The following ARID4A variants were observed in gnomAD, a reference collection of about 807,000 sequenced individuals.
ARID4A encodes AT-rich interactive domain-containing protein 4A.
Under a neutral mutation model 148.6 loss-of-function variants are expected in ARID4A, and 39 were observed. The observed-to-expected ratio is 0.26, with a 90% CI of 0.20 to 0.34. ARID4A has a LOEUF of 0.34. Among genes scored for constraint, ARID4A ranks in the 10% least tolerant of loss-of-function variants. The pLI, the probability that ARID4A is intolerant of heterozygous loss-of-function variation, is 1.00. For synonymous variants in ARID4A, 475 were observed against 481.2 expected, an observed-to-expected ratio of 0.99 and a Z score of 0.17; for missense variants, 1,265 against 1,449.1, an observed-to-expected ratio of 0.87 and a Z score of 2.06.
At position 58,346,415 on chromosome 14, in the gene ARID4A, T is replaced by G; in HGVS notation, c.984T>G (p.Thr328=). ...CTACCTACTTACATTGAAAAGGTAC[T>G]CCAATCAACAAACCACCTGTTTTGG... ...QLYKFMEDRG[T]PINKPPVLGY... The change falls in exon 13 of 24, where the codon ACT becomes ACG. Residue 328 remains threonine (T), a synonymous_variant. Transcript: ENST00000355431. The G allele has an allele frequency of 6.3e-7, 1 of 1,599,974 alleles. No individual in the cohort carries two copies. Among genetic ancestry groups the G allele is most frequent in the Non-Finnish European group, 8.5e-7 (1 of 1,170,326 alleles).
intron 2 of ARID4A, among the ~76,000 whole-genome samples, chr14:58,300,983 T>G (rs564154146): frequency 6.6e-6 from 1 of 152,316 alleles, no homozygotes; most frequent in East Asian, 1.9e-4. Flanking sequence ...CTAAGAAGAT[T>G]AGTGTGGTAA....
At position 58,337,246 on chromosome 14, in the gene ARID4A, T is replaced by TA. The variant is rs1555361738; in HGVS notation, c.906+7077_906+7078insA. Among the ~76,000 whole-genome samples, 72 of 83,818 alleles carry TA rather than the reference T, an allele frequency of 8.6e-4. 5 individuals are homozygous for TA. Among genetic ancestry groups the TA allele is most frequent in the African/African-American group, 1.6e-3 (38 of 24,120 alleles). 55.0% of individuals were successfully genotyped at this position (83,818 alleles called of 152,430 possible). A position where few individuals can be genotyped will look rare whatever the true frequency, so the allele number is the denominator to read the frequency against. ...AAATCTCCTAGAACCTTCTCTTTAT[T>TA]TATATATATATATATATATATAATT... On this transcript the variant is annotated intron_variant, in intron 11 of 23. Transcript: ENST00000355431.
intron 17 of ARID4A, among the ~76,000 whole-genome samples, chr14:58,356,485 A>G (rs2034870866): frequency 2.0e-5 from 3 of 152,162 alleles, no homozygotes; most frequent in Admixed American, 2.0e-4. Context: ...ATTTCCATAT[A>G]AGTTAATAAA....
chr14:58,336,758 A>G (rs977933349), intron 11 of ARID4A, among the ~76,000 whole-genome samples: 1 of 152,162 alleles, frequency 6.6e-6, no homozygotes, highest in Non-Finnish European at 1.5e-5. Flanking sequence ...GTCTATGAAA[A>G]TATGTATATA....
intron 7 of ARID4A, among the ~76,000 whole-genome samples, chr14:58,319,044 T>C (rs983896424): frequency 6.6e-6 from 1 of 152,178 alleles, no homozygotes; most frequent in Admixed American, 6.5e-5. Context: ...GCCGAAGTTT[T>C]TTTTGTTTTG....
At chr14:58,347,329 A>C (rs1002341528) in intron 14 of ARID4A, among the ~76,000 whole-genome samples, 3 of 152,188 alleles carry the variant, frequency 2.0e-5, no homozygotes, top group African/African-American at 7.2e-5. Context: ...TTCCTTTCCA[A>C]AATCAGGATG....
At chr14:58,336,509 T>G (rs2033823457) in intron 11 of ARID4A, among the ~76,000 whole-genome samples, 2 of 152,222 alleles carry the variant, frequency 1.3e-5, no homozygotes, top group African/African-American at 4.8e-5. Context: ...AGTTTAAAAT[T>G]TTAAGCTTTC....
intron 2 of ARID4A, 146 bp downstream of exon 2, chr14:58,300,006 G>C (rs2031003950): frequency 3.5e-6 from 4 of 1,149,270 alleles, no homozygotes; most frequent in Non-Finnish European, 5.2e-6. Context: ...GTGTTGAATG[G>C]GTGAAAAATG....
chr14:58,312,801 CTA>C (rs1457739466), intron 5 of ARID4A, among the ~76,000 whole-genome samples: 2 of 152,006 alleles, frequency 1.3e-5, no homozygotes, highest in Non-Finnish European at 2.9e-5. Flanking sequence ...GTTTCTTTAC[CTA>C]TAAAAGGAGG....
At chr14:58,318,840 C>T in intron 7 of ARID4A, 35 bp downstream of exon 7, 4 of 1,524,320 alleles carry the variant, frequency 2.6e-6, no homozygotes, top group South Asian at 2.3e-5. Context: ...ATTTTAATTA[C>T]AATTATTATA....
chr14:58,307,531 A>C lies in ARID4A; in HGVS notation c.274+1419A>C, dbSNP rs190690279. ...TACTGATAGTTGTTAAATTTTAAAA[A>C]CTAAGTGGCCAGATGCAGTGGCTCT... On this transcript the variant is annotated intron_variant, in intron 5 of 23. Transcript: ENST00000355431. Among the ~76,000 whole-genome samples the C allele has an allele frequency of 7.0e-4, 106 of 152,310 alleles. 1 individual carries two copies. Among genetic ancestry groups the C allele is most frequent in the African/African-American group, 2.4e-3 (98 of 41,570 alleles).
chr14:58,340,153 A>G (rs924734379), intron 11 of ARID4A, among the ~76,000 whole-genome samples: 2 of 152,122 alleles, frequency 1.3e-5, no homozygotes, highest in African/African-American at 2.4e-5. Flanking sequence ...TCAGATTTAT[A>G]TATTTGGACA....
chr14:58,332,672 A>G (rs1321491906), intron 11 of ARID4A, among the ~76,000 whole-genome samples: 2 of 152,178 alleles, frequency 1.3e-5, no homozygotes, highest in African/African-American at 4.8e-5. Flanking sequence ...CTGATAAGCC[A>G]TGGCCTACCT....
chr14:58,301,858 G>C (rs1225449095), intron 3 of ARID4A, among the ~76,000 whole-genome samples, 168 bp downstream of exon 3: 1 of 152,130 alleles, frequency 6.6e-6, no homozygotes, highest in African/African-American at 2.4e-5. Context: ...CTCAAAAGGA[G>C]AAATTATTCC....
rs1454879800 is a variant in ARID4A at position 58,298,681 on chromosome 14, G to C, written c.-77G>C. 1 of 152,738 alleles carries C rather than the reference G, an allele frequency of 6.5e-6. No homozygotes were observed. The highest frequency in any genetic ancestry group is 1.5e-5 in the Non-Finnish European group (1 of 68,186). 9.5% of individuals were successfully genotyped at this position (152,738 alleles called of 1,614,324 possible). A position where few individuals can be genotyped will look rare whatever the true frequency, so the allele number is the denominator to read the frequency against. On this transcript the variant is annotated 5_prime_UTR_variant, in exon 1 of 24. Transcript: ENST00000355431. Reference sequence around the variant, plus strand: ...GGAGGAGGACTCTGGAGCTGACAGCGCGCACTTCACCCGCAGTTGGTAGGT... The same window carrying C: ...GGAGGAGGACTCTGGAGCTGACAGCCCGCACTTCACCCGCAGTTGGTAGGT...
chr14:58,346,796 C>T (rs112901448), intron 13 of ARID4A, among the ~76,000 whole-genome samples: 13,994 of 150,426 alleles, frequency 0.093, 1,083 homozygotes, highest in African/African-American at 0.2. Context: ...GGCATGGTGT[C>T]GCATGCCTGT....
chr14:58,328,183 T>C lies in ARID4A; in HGVS notation c.583-54T>C, dbSNP rs1594903902. On this transcript the variant is annotated intron_variant, in intron 8 of 23. Coordinates refer to ENST00000355431, the MANE Select transcript of ARID4A (RefSeq NM_002892.4). ...CCAGAATTGTTCTTTTGAAAAATAC[T>C]GTTTTTCTGAGCACAGGAAATAGGA... 13 of 1,289,680 alleles carry C rather than the reference T, an allele frequency of 1.0e-5. No individual in the cohort carries two copies. The East Asian group carries it at 1.9e-4, about 18-fold the overall frequency. 79.9% of individuals were successfully genotyped at this position (1,289,680 alleles called of 1,614,324 possible). A position where few individuals can be genotyped will look rare whatever the true frequency, so the allele number is the denominator to read the frequency against.
chr14:58,344,278 A>G (rs983710577), intron 11 of ARID4A, among the ~76,000 whole-genome samples: 1 of 152,156 alleles, frequency 6.6e-6, no homozygotes, highest in African/African-American at 2.4e-5. Flanking sequence ...CTATGTTTAT[A>G]TGAAAATTAT....
At chr14:58,311,063 T>G (rs956886498) in intron 5 of ARID4A, among the ~76,000 whole-genome samples, 2 of 151,992 alleles carry the variant, frequency 1.3e-5, no homozygotes, top group African/African-American at 4.8e-5. Context: ...CTGGCCAACA[T>G]GGTGAAACCC....
Sources: allele counts gnomAD v4.1 joint callset (sites outside exome capture counted in the v4.1 genomes callset), GRCh38; gene constraint gnomAD v4.1.1; transcripts MANE v1.5; gene names NCBI Gene and HGNC (gene_info 2026-07-23, HGNC 2026-07-21).